The following GSK3B variants were observed in gnomAD, a reference collection of about 807,000 sequenced individuals.
GSK3B encodes the protein glycogen synthase kinase-3 beta.
Under a neutral mutation model 56.4 loss-of-function variants are expected in GSK3B, and 15 were observed. The ratio of observed to expected loss-of-function variants is 0.27; its 90% CI spans 0.18 to 0.41. The LOEUF (loss-of-function observed/expected upper bound fraction) is 0.41, where lower values mean the gene tolerates loss of function less well. GSK3B is among the 10% of genes least tolerant of loss of function. GSK3B has a pLI of 1.00. For missense variants in GSK3B, 300 were observed against 513.4 expected (o/e 0.58, Z 4.02); for synonymous variants, 181 against 188.9 (o/e 0.96, Z 0.34).
At chr3:120,006,842 C>G (rs1031693281) in intron 1 of GSK3B, among the ~76,000 whole-genome samples, 2 of 151,572 alleles carry the variant, frequency 1.3e-5, no homozygotes, top group Non-Finnish European at 1.5e-5. Flanking sequence ...CCTAACATCA[C>G]AATTAAAAGA....
rs60859194 is a variant in GSK3B, at chr3:119,943,562, A to T, written c.366+3706T>A. 2.9e-3 allele frequency among the ~76,000 whole-genome samples: 440 copies of T among 152,274 alleles called. 1 individual carries two copies. The highest frequency in any genetic ancestry group is 8.8e-3 in the African/African-American group (364 of 41,566). On this transcript the variant is annotated intron_variant, in intron 3 of 10. Coordinates refer to ENST00000264235, the MANE Select transcript of GSK3B (RefSeq NM_001146156.2). ...TTAGTTGTTTTCCTTAACATTTTCC[A>T]AAAAGGGAGTAATAGAGGCCCAGAG... is the stretch of plus-strand genomic sequence containing the variant.
chr3:120,034,507 G>A (rs1418898045), intron 1 of GSK3B, among the ~76,000 whole-genome samples: 1 of 151,972 alleles, frequency 6.6e-6, no homozygotes, highest in East Asian at 1.9e-4. Flanking sequence ...TAATTATCTT[G>A]GTATCCTTGT....
intron 7 of GSK3B, 82 bp downstream of exon 7, chr3:119,905,673 G>T: frequency 1.3e-6 from 1 of 783,354 alleles, no homozygotes; most frequent in South Asian, 1.6e-5. Context: ...TAAGTTTCTC[G>T]TATGTGTACA....
chr3:120,038,564 G>C (rs1559886691), intron 1 of GSK3B, among the ~76,000 whole-genome samples: 1 of 152,220 alleles, frequency 6.6e-6, no homozygotes, highest in East Asian at 1.9e-4. Flanking sequence ...ACATCAAAAA[G>C]GGATGGCAGT....
intron 1 of GSK3B, among the ~76,000 whole-genome samples, chr3:120,035,378 C>T (rs1297856351): frequency 4.6e-5 from 7 of 152,156 alleles, no homozygotes; most frequent in African/African-American, 9.6e-5. Flanking sequence ...AGAAAAATTT[C>T]GGTTGTTTTA....
At chr3:119,932,261 A>G (rs1178969463) in intron 3 of GSK3B, among the ~76,000 whole-genome samples, 4 of 152,246 alleles carry the variant, frequency 2.6e-5, no homozygotes, top group African/African-American at 9.6e-5. Context: ...TGGACTGGGC[A>G]TTCCAACTGG....
At chr3:120,071,143 C>A (rs988836383) in intron 1 of GSK3B, among the ~76,000 whole-genome samples, 1 of 152,186 alleles carries the variant, frequency 6.6e-6, no homozygotes, top group East Asian at 1.9e-4. Context: ...TTTATTACAG[C>A]ACAACATCGT....
intron 9 of GSK3B, among the ~76,000 whole-genome samples, chr3:119,861,340 G>A (rs774058473): frequency 1.3e-4 from 20 of 151,740 alleles, no homozygotes; most frequent in Non-Finnish European, 2.2e-4. Flanking sequence ...GCGAAACCCC[G>A]TCTCTACTGA....
chr3:119,914,460 T>TA (rs1208516311), intron 5 of GSK3B, among the ~76,000 whole-genome samples: 2 of 152,094 alleles, frequency 1.3e-5, no homozygotes. Context: ...GAAGCTCTTC[T>TA]AACCTTGGTG....
chr3:120,057,128 G>A (rs2058197788), intron 1 of GSK3B, among the ~76,000 whole-genome samples: 3 of 152,142 alleles, frequency 2.0e-5, no homozygotes, highest in Admixed American at 2.0e-4. Flanking sequence ...CTGGGCAACA[G>A]AGCAAGATTC....
chr3:119,888,357 T>A (rs915698738), intron 7 of GSK3B, among the ~76,000 whole-genome samples: 3 of 152,174 alleles, frequency 2.0e-5, no homozygotes, highest in African/African-American at 7.2e-5. Flanking sequence ...AATAATACTC[T>A]TATAATTTCT....
At chr3:119,875,358 A>G (rs1412291412) in intron 8 of GSK3B, among the ~76,000 whole-genome samples, 1 of 152,134 alleles carries the variant, frequency 6.6e-6, no homozygotes, top group African/African-American at 2.4e-5. Context: ...ATAGCCCTAA[A>G]TGACTTCACC....
intron 5 of GSK3B, 46 bp from the exon 6 acceptor site, chr3:119,912,856 T>C (rs748232805): frequency 1.1e-6 from 1 of 943,150 alleles, no homozygotes. Flanking sequence ...TCTTTAAATC[T>C]AAACCTTAAA....
At chr3:119,967,131 T>G (rs2057324986) in intron 2 of GSK3B, among the ~76,000 whole-genome samples, 1 of 151,316 alleles carries the variant, frequency 6.6e-6, no homozygotes, top group African/African-American at 2.4e-5. Flanking sequence ...CAGGCTGGAG[T>G]GCAGTGGCCT....
intron 1 of GSK3B, chr3:120,029,542 C>T (rs2057957812): frequency 8.1e-6 from 5 of 617,826 alleles, no homozygotes; most frequent in South Asian, 3.0e-5. Flanking sequence ...AGATAGGGAC[C>T]ATCACTTGGT....
intron 1 of GSK3B, among the ~76,000 whole-genome samples, chr3:120,035,713 T>G (rs1285109458): frequency 3.3e-5 from 5 of 152,200 alleles, no homozygotes; most frequent in Non-Finnish European, 7.3e-5. Context: ...AATGTATTCA[T>G]AAGTATTTTG....
intron 1 of GSK3B, among the ~76,000 whole-genome samples, chr3:120,053,868 C>G (rs548209585): frequency 6.0e-4 from 92 of 152,260 alleles, no homozygotes; most frequent in Non-Finnish European, 9.6e-4. Flanking sequence ...TGCTATCCAC[C>G]ATGATTGCGA....
intron 10 of GSK3B, 116 bp from the exon 11 acceptor site, chr3:119,826,971 G>A: frequency 1.5e-6 from 1 of 672,014 alleles, no homozygotes; most frequent in Non-Finnish European, 2.6e-6. Flanking sequence ...GCTGTTATTT[G>A]GAACGTTGTT....
At chr3:119,833,470 T>G (rs2055635524) in intron 10 of GSK3B, among the ~76,000 whole-genome samples, 1 of 152,176 alleles carries the variant, frequency 6.6e-6, no homozygotes, top group Admixed American at 6.5e-5. Flanking sequence ...TAGTAGCTGC[T>G]AACTACATAA....
Sources: allele counts gnomAD v4.1 joint callset (sites outside exome capture counted in the v4.1 genomes callset), GRCh38; gene constraint gnomAD v4.1.1; transcripts MANE v1.5; gene names NCBI Gene and HGNC (gene_info 2026-07-23, HGNC 2026-07-21).